APBA3: variants seen among roughly 807,000 people sequenced by gnomAD.
APBA3 encodes amyloid-beta A4 precursor protein-binding family A member 3.
A neutral mutation model predicts 55.9 loss-of-function variants in APBA3; 45 were observed. The observed-to-expected ratio is 0.80, with a 90% CI of 0.63 to 1.03. The LOEUF is 1.03. Among genes scored for constraint, APBA3 ranks in the 50% least tolerant of loss-of-function variants. The pLI is 0.00. For missense variants in APBA3, 865 were observed against 820.3 expected (o/e 1.05, Z -0.67); for synonymous variants, 370 against 353.3 (o/e 1.05, Z -0.53).
rs8102086 is a variant in APBA3 at position 3,752,876 on chromosome 19, A to T, written c.1126T>A (p.Cys376Ser). The T allele has an allele frequency of 3.1e-6, 5 of 1,613,086 alleles. No homozygotes were observed. The African/African-American group carries it at 5.3e-5, about 17-fold the overall frequency. The change falls in exon 7 of 11, where the codon TGC (cysteine) becomes AGC (serine). Residue 376 changes from cysteine to serine, a missense_variant. By Grantham distance (112) the Cys-to-Ser change is moderately radical. Transcript: ENST00000316757. ...QVGVHPSPGACHLHNGDLDHF... is the reference protein window; with the variant it reads ...QVGVHPSPGASHLHNGDLDHF... ...TCCAGGTCCCCATTATGGAGGTGGC[A>T]GGCGCCTGGGCTCGGGTGCACGCCC...
At chr19:3,758,949 T>C (rs1331712638) in intron 3 of APBA3, among the ~76,000 whole-genome samples, 1 of 152,050 alleles carries the variant, frequency 6.6e-6, no homozygotes, top group African/African-American at 2.4e-5. Flanking sequence ...CACCCGGGCA[T>C]GGTGGCTCAC....
At chr19:3,757,107 G>A (rs992013635) in intron 3 of APBA3, among the ~76,000 whole-genome samples, 3 of 151,538 alleles carry the variant, frequency 2.0e-5, no homozygotes, top group African/African-American at 4.9e-5. Context: ...TGCAACCACA[G>A]AACTGTTTTT....
intron 7 of APBA3, 43 bp from the exon 8 acceptor site, chr19:3,752,763 G>A (rs757326115): frequency 6.2e-7 from 1 of 1,608,806 alleles, no homozygotes; most frequent in Non-Finnish European, 8.5e-7. Flanking sequence ...GCAGGGCCCG[G>A]TGCAGGTGCA....
chr19:3,758,068 G>A (rs769203691), intron 3 of APBA3, among the ~76,000 whole-genome samples: 1 of 152,074 alleles, frequency 6.6e-6, no homozygotes, highest in Non-Finnish European at 1.5e-5. Flanking sequence ...CTGAGTAGCT[G>A]GGATTACAGG....
Position 3,759,810 on chromosome 19 carries a change from G to C in APBA3, c.455C>G (p.Pro152Arg). 4 of 1,612,722 alleles carry C rather than the reference G, an allele frequency of 2.5e-6. No homozygotes were observed. Among genetic ancestry groups the C allele is most frequent in the Non-Finnish European group, 3.4e-6 (4 of 1,179,886 alleles). ...AGCAGAGGCCCCCTCCACCCATTCT[G>C]GGGAGTCAGAATCCTCATCTGGGTC... The part of the protein sequence containing the change: ...PEDPDEDSDS[P>R]EWVEGASAEQ... Residue 152 changes from proline to arginine, a missense_variant, in exon 2 of 11, where the codon CCA becomes CGA. Physicochemically the swap from Pro to Arg is moderately radical, Grantham distance 103. Transcript: ENST00000316757.
At chr19:3,753,270 CA>C (rs2037032949) in intron 6 of APBA3, 2 of 504,402 alleles carry the variant, frequency 4.0e-6, no homozygotes, top group Non-Finnish European at 7.0e-6. Context: ...AAGACCCAGC[CA>C]GGGGGCCTGG....
chr19:3,759,263 T>G (rs1226600913), intron 3 of APBA3, among the ~76,000 whole-genome samples: 1 of 152,114 alleles, frequency 6.6e-6, no homozygotes, highest in Non-Finnish European at 1.5e-5. Flanking sequence ...CATCTTTAAC[T>G]CGAGACCTAC....
chr19:3,761,116 CCT>C (rs1444566623), intron 1 of APBA3, among the ~76,000 whole-genome samples: 2 of 152,178 alleles, frequency 1.3e-5, no homozygotes, highest in South Asian at 2.1e-4. Flanking sequence ...TTCCCGAGCC[CCT>C]GTGTCATCCC....
At chr19:3,751,674 T>C in intron 8 of APBA3, 121 bp from the exon 9 acceptor site, 1 of 1,162,624 alleles carries the variant, frequency 8.6e-7, no homozygotes, top group Non-Finnish European at 1.2e-6. Flanking sequence ...GGCTCAATTC[T>C]GGAAGACCCC....
rs201261237 is a variant in APBA3, at chr19:3,750,983, G to T, written c.*43C>A. The T allele has an allele frequency of 4.5e-6, 7 of 1,543,866 alleles. No individual in the cohort carries two copies. In the South Asian group the frequency reaches 8.3e-5, roughly 18 times the overall value. On this transcript the variant is annotated 3_prime_UTR_variant, in exon 11 of 11. Coordinates refer to ENST00000316757, the MANE Select transcript of APBA3 (RefSeq NM_004886.4). ...GGCAGGCCCAGGATGGGGCTCCGGG[G>T]CCATGGAGGCGAAGGCACAGTGGCA...
At chr19:3,760,418 C>G in intron 1 of APBA3, 117 bp from the exon 2 acceptor site, 1 of 654,078 alleles carries the variant, frequency 1.5e-6, no homozygotes, top group South Asian at 2.1e-5. Flanking sequence ...CAAGATCAGC[C>G]TGGGCAACAG....
At position 3,752,589 on chromosome 19, in the gene APBA3, G is replaced by A; in HGVS notation, c.1314C>T (p.Leu438=). ...TGGCGGTCAGGCGGTCCCCGATGCT[G>A]AGGGCCCCCGAGCGCTCAGCAGGCC... is the stretch of plus-strand genomic sequence containing the variant. ...HGGPAERSGA[L]SIGDRLTAIN... is the part of the protein sequence containing the mutation. The change falls in exon 8 of 11, where the codon CTC becomes CTT. Residue 438 remains leucine, a synonymous_variant. Transcript: ENST00000316757. 1 of 1,586,126 alleles carries A rather than the reference G, an allele frequency of 6.3e-7. No homozygotes were observed. The highest frequency in any genetic ancestry group is 1.1e-5 in the South Asian group (1 of 88,326).
rs1445395875 is a variant in APBA3, at chr19:3,760,089, T to C, written c.176A>G (p.Glu59Gly). 1 of 1,613,270 alleles carries C rather than the reference T, an allele frequency of 6.2e-7. No individual in the cohort carries two copies. Among genetic ancestry groups the C allele is most frequent in the African/African-American group, 1.3e-5 (1 of 74,928 alleles). The change falls in exon 2 of 11, where the codon GAG (glutamate) becomes GGG (glycine). Residue 59 changes from glutamate to glycine, a missense_variant. Transcript: ENST00000316757. ...RMELDESSLQ[E>G]LVQQFEALPG... Reference sequence around the variant, plus strand: ...CAGAGCTTCAAACTGCTGCACCAGCTCCTGAAGGCTTGACTCATCAAGTTC... The same window carrying C: ...CAGAGCTTCAAACTGCTGCACCAGCCCCTGAAGGCTTGACTCATCAAGTTC...
chr19:3,752,416 G>A, intron 8 of APBA3, 92 bp downstream of exon 8: 1 of 1,213,006 alleles, frequency 8.2e-7, no homozygotes, highest in Non-Finnish European at 1.1e-6. Flanking sequence ...CCTCCTGGCT[G>A]GGCTGGAGAG....
At position 3,752,702 on chromosome 19, in the gene APBA3, G is replaced by A. The variant is rs201602109; in HGVS notation, c.1201C>T (p.Arg401Ter). 57 of 1,596,040 alleles carry A rather than the reference G, an allele frequency of 3.6e-5. No homozygotes were observed. The highest frequency in any genetic ancestry group is 4.2e-5 in the Non-Finnish European group (49 of 1,175,668). The change falls in exon 8 of 11, where the codon CGA becomes TGA. Residue 401 changes from arginine to a stop codon, truncating the protein, a stop_gained. Transcript: ENST00000316757. LOFTEE classifies it high-confidence loss of function. ...AGGGCCACGCCCAGGCCCTCCCCTC[G>A]CCGCTTCTCGAGGTGCACCTGGGAC... is the stretch of plus-strand genomic sequence containing the variant. The part of the protein sequence containing the change: ...NCREVHLEKR[R>*]GEGLGVALVE...
At chr19:3,753,035 C>T in intron 6 of APBA3, 45 bp from the exon 7 acceptor site, 1 of 1,595,930 alleles carries the variant, frequency 6.3e-7, no homozygotes, top group Non-Finnish European at 8.5e-7. Flanking sequence ...CACCCACCTC[C>T]TCCAGGTCCC....
chr19:3,758,618 G>A (rs763074395), intron 3 of APBA3, among the ~76,000 whole-genome samples: 26 of 152,006 alleles, frequency 1.7e-4, no homozygotes, highest in Admixed American at 3.3e-4. Context: ...GGTGGCTCAC[G>A]CTTGTAATCC....
intron 3 of APBA3, among the ~76,000 whole-genome samples, chr19:3,757,849 C>T (rs2037096682): frequency 6.6e-6 from 1 of 152,218 alleles, no homozygotes; most frequent in African/African-American, 2.4e-5. Flanking sequence ...TCACCTCTGC[C>T]ATTCGAACAT....
At chr19:3,757,327 G>A (rs992072300) in intron 3 of APBA3, among the ~76,000 whole-genome samples, 21 of 151,910 alleles carry the variant, frequency 1.4e-4, no homozygotes, top group Admixed American at 2.6e-4. Flanking sequence ...GGCTGGTCTC[G>A]AACTCCTGGG....
Sources: allele counts gnomAD v4.1 joint callset (sites outside exome capture counted in the v4.1 genomes callset), GRCh38; gene constraint gnomAD v4.1.1; transcripts MANE v1.5; gene names NCBI Gene and HGNC (gene_info 2026-07-23, HGNC 2026-07-21).